Variants in PLCD4 observed in about 807,000 individuals in gnomAD.
PLCD4 encodes the protein 1-phosphatidylinositol 4,5-bisphosphate phosphodiesterase delta-4.
Under a neutral mutation model 90.2 loss-of-function variants are expected in PLCD4, and 63 were observed. That is an observed-to-expected ratio of 0.70 (90% CI 0.57 to 0.86). The LOEUF is 0.86. Among genes scored for constraint, PLCD4 ranks in the 40% least tolerant of loss-of-function variants. The probability of loss-of-function intolerance (pLI) is 0.00; values close to 1 mark genes in which losing one functional copy is unlikely to be tolerated. For missense variants in PLCD4, 830 were observed against 956.3 expected (o/e 0.87, Z 1.74); for synonymous variants, 294 against 356.5 (o/e 0.82, Z 1.97).
At chr2:218,633,449 T>C in intron 10 of PLCD4, 156 bp from the exon 11 acceptor site, 1 of 894,574 alleles carries the variant, frequency 1.1e-6, no homozygotes, top group Non-Finnish European at 1.8e-6. Flanking sequence ...GGCTCCTATT[T>C]CCAAGCCTGA....
chr2:218,612,741 C>T (rs1408174098), intron 1 of PLCD4, among the ~76,000 whole-genome samples: 8 of 152,106 alleles, frequency 5.3e-5, no homozygotes, highest in African/African-American at 1.9e-4. Context: ...CATTGCACTC[C>T]AGCCTGGCGA....
intron 4 of PLCD4, among the ~76,000 whole-genome samples, 186 bp from the exon 5 acceptor site, chr2:218,621,284 G>A (rs1270081450): frequency 6.6e-6 from 1 of 152,202 alleles, no homozygotes; most frequent in Non-Finnish European, 1.5e-5. Flanking sequence ...AGGTGCCTGG[G>A]CCATACAGTG....
At position 218,636,253 on chromosome 2, in the gene PLCD4, A is replaced by G; in HGVS notation, c.2043A>G (p.Pro681=). 1 of 1,614,054 alleles carries G rather than the reference A, an allele frequency of 6.2e-7. No individual in the cohort carries two copies. The highest frequency in any genetic ancestry group is 2.2e-5 in the East Asian group (1 of 44,888). Residue 681 remains proline (P), a synonymous_variant, in exon 15 of 16, where the codon CCA becomes CCG. Transcript: ENST00000450993. The part of the protein sequence containing the change: ...TNYVENNGFN[P]YWGQTLCFRV... ...TGTCCACCAACTCAGGTTTTAATCC[A>G]TACTGGGGGCAGACACTATGTTTCC... is the stretch of plus-strand genomic sequence containing the variant.
Position 218,634,688 on chromosome 2 carries a change from A to T in PLCD4, c.1896+58A>T. 1.3e-5 allele frequency: 20 copies of T among 1,580,768 alleles called. No homozygotes were observed. The highest frequency in any genetic ancestry group is 1.7e-5 in the Non-Finnish European group (20 of 1,157,050). On this transcript the variant is annotated intron_variant, in intron 13 of 15. Transcript: ENST00000450993. This position sits in a 1 kb window ranked among gnomAD's most constrained non-coding sequence, Gnocchi z 4.0. ...GAGATAACTGGGATAGAAGTGAGGG[A>T]AGAGGTGGCTAGGCCTGACCGGAAT...
At position 218,615,831 on chromosome 2, in the gene PLCD4, C is replaced by A; in HGVS notation, c.22+70C>A. 1.9e-6 allele frequency: 3 copies of A among 1,603,336 alleles called. No individual in the cohort carries two copies. In the South Asian group the frequency reaches 3.3e-5, roughly 18 times the overall value. On this transcript the variant is annotated intron_variant, in intron 2 of 15. Coordinates refer to ENST00000450993, the MANE Select transcript of PLCD4 (RefSeq NM_032726.4). ...CTCAGGGAAGGGAAGGAGGTTGGACCCCTGTTCCAGAGCTCTCCCTGGGCC... is the reference window on the plus strand; with the variant it reads ...CTCAGGGAAGGGAAGGAGGTTGGACACCTGTTCCAGAGCTCTCCCTGGGCC...
chr2:218,613,555 T>TC (rs1350908467), intron 1 of PLCD4, among the ~76,000 whole-genome samples: 4 of 152,170 alleles, frequency 2.6e-5, no homozygotes, highest in African/African-American at 4.8e-5. Flanking sequence ...CACGACCTGG[T>TC]CAAGAATGTT....
intron 1 of PLCD4, chr2:218,609,376 T>C (rs915936690): frequency 6.6e-6 from 1 of 152,100 alleles, no homozygotes; most frequent in Admixed American, 6.6e-5. Flanking sequence ...TGACATGAAG[T>C]CTCTTAGAAA....
At chr2:218,624,954 C>T (rs540031176) in intron 6 of PLCD4, among the ~76,000 whole-genome samples, 168 of 150,650 alleles carry the variant, frequency 1.1e-3, no homozygotes, top group Non-Finnish European at 1.7e-3. Context: ...CCACTAAAAA[C>T]ACAAAAAATT....
intron 1 of PLCD4, among the ~76,000 whole-genome samples, chr2:218,611,326 A>T (rs1275041426): frequency 6.6e-6 from 1 of 152,202 alleles, no homozygotes; most frequent in Non-Finnish European, 1.5e-5. Context: ...GGCAGGTTTG[A>T]GAGGAGGGAG....
chr2:218,630,729 CTG>C lies in PLCD4; in HGVS notation c.1200_1201del (p.Glu401AspfsTer23). 1 of 1,614,064 alleles carries C rather than the reference CTG, an allele frequency of 6.2e-7. No individual in the cohort carries two copies. The highest frequency in any genetic ancestry group is 8.5e-7 in the Non-Finnish European group (1 of 1,179,902). Reference sequence around the variant, plus strand: ...CAGCAGACCATGGCCCGTCATCTGACTGAGATCCTGGGGGAGCAGCTGCTGAG... The same window carrying C: ...CAGCAGACCATGGCCCGTCATCTGACAGATCCTGGGGGAGCAGCTGCTGAG... On this transcript the variant is annotated frameshift_variant, in exon 9 of 16. Coordinates refer to ENST00000450993, the MANE Select transcript of PLCD4 (RefSeq NM_032726.4). LOFTEE classifies it high-confidence loss of function.
Position 218,633,713 on chromosome 2 carries a change from A to G in PLCD4, c.1558A>G (p.Ile520Val), listed in dbSNP as rs764401261. 41 of 1,613,818 alleles carry G rather than the reference A, an allele frequency of 2.5e-5. No individual in the cohort carries two copies. Among genetic ancestry groups the G allele is most frequent in the Admixed American group, 1.0e-4 (6 of 59,976 alleles). ...AAAGGAGCACTACCACTTCTACGAG[A>G]TATCATCTTTCTCTGAAACCAAGGC... is the stretch of plus-strand genomic sequence containing the variant. Reference protein sequence around the residue: ...HSKEHYHFYEISSFSETKAKR... With the variant: ...HSKEHYHFYEVSSFSETKAKR... The change falls in exon 11 of 16, where the codon ATA (isoleucine) becomes GTA (valine). Residue 520 changes from isoleucine (I) to valine (V), a missense_variant. By Grantham distance (29) the Ile-to-Val change is conservative. Transcript: ENST00000450993.
At position 218,618,798 on chromosome 2, in the gene PLCD4, G is replaced by A. The variant is rs200972923; in HGVS notation, c.401G>A (p.Arg134His). 50 of 1,587,748 alleles carry A rather than the reference G, an allele frequency of 3.1e-5. No homozygotes were observed. In the East Asian group the frequency reaches 4.8e-4, roughly 15 times the overall value. The stretch of plus-strand genomic sequence containing the variant: ...GTCACCAGCATGGACCATCAGGAGC[G>A]CCTGGACCAGTATCGGCAGGATGGA... ...DLVTSMDHQE[R>H]LDQWLSDWFQ... The change falls in exon 4 of 16, where the codon CGC (arginine) becomes CAC (histidine). Residue 134 changes from arginine (R) to histidine (H), a missense_variant. Transcript: ENST00000450993.
chr2:218,614,921 A>G (rs1229898252), intron 1 of PLCD4, among the ~76,000 whole-genome samples: 1 of 152,066 alleles, frequency 6.6e-6, no homozygotes, highest in African/African-American at 2.4e-5. Flanking sequence ...ACAACTAAGT[A>G]TTGTTAAAGA....
At chr2:218,621,075 G>T (rs1695854395) in intron 4 of PLCD4, among the ~76,000 whole-genome samples, 1 of 152,104 alleles carries the variant, frequency 6.6e-6, no homozygotes, top group South Asian at 2.1e-4. Context: ...AACGACAGGT[G>T]TGTGCTACCA....
At position 218,635,873 on chromosome 2, in the gene PLCD4, G is replaced by T. The variant is rs1397189701; in HGVS notation, c.1974G>T (p.Gln658His). Reference protein sequence around the residue: ...GSIVDPLVKVQIFGVRLDTAR... With the variant: ...GSIVDPLVKVHIFGVRLDTAR... ...TTGTGGATCCACTGGTGAAAGTGCA[G>T]ATCTTTGGCGTTCGTCTAGACACAG... Residue 658 changes from glutamine to histidine, a missense_variant, in exon 14 of 16, where the codon CAG (glutamine) becomes CAT (histidine). Physicochemically the swap from Gln to His is conservative, Grantham distance 24 (BLOSUM62 0). Coordinates refer to ENST00000450993, the MANE Select transcript of PLCD4 (RefSeq NM_032726.4). The T allele has an allele frequency of 1.9e-6, 3 of 1,613,890 alleles. No homozygotes were observed. The highest frequency in any genetic ancestry group is 1.7e-5 in the Admixed American group (1 of 60,004).
Position 218,615,943 on chromosome 2 carries a change from G to A in PLCD4, c.62G>A (p.Gly21Asp). Reference protein sequence around the residue: ...TDQDLLLMQEGMPMRKVRSKS... With the variant: ...TDQDLLLMQEDMPMRKVRSKS... Reference sequence around the variant, plus strand: ...CAGGACTTGCTGCTGATGCAGGAAGGCATGCCGATGCGCAAGGTGAGGTCC... The same window carrying A: ...CAGGACTTGCTGCTGATGCAGGAAGACATGCCGATGCGCAAGGTGAGGTCC... Residue 21 changes from glycine to aspartate, a missense_variant, in exon 3 of 16, where the codon GGC (glycine) becomes GAC (aspartate). Gly to Asp is a moderately conservative substitution (Grantham distance 94). Transcript: ENST00000450993. The A allele has an allele frequency of 1.9e-6, 3 of 1,614,046 alleles. No individual in the cohort carries two copies. The highest frequency in any genetic ancestry group is 2.5e-6 in the Non-Finnish European group (3 of 1,179,906).
Position 218,636,367 on chromosome 2 carries a change from C to G in PLCD4, c.2157C>G (p.Thr719=). ...GAAATGACTTTATTGGTCAGTACACCCTGCCTTGGACCTGCATGCAACAAG... is the reference window on the plus strand; with the variant it reads ...GAAATGACTTTATTGGTCAGTACACGCTGCCTTGGACCTGCATGCAACAAG... ...KSRNDFIGQY[T]LPWTCMQQGY... Residue 719 remains threonine, a synonymous_variant, in exon 15 of 16, where the codon ACC becomes ACG. Coordinates refer to ENST00000450993, the MANE Select transcript of PLCD4 (RefSeq NM_032726.4). 1 of 1,613,968 alleles carries G rather than the reference C, an allele frequency of 6.2e-7. No homozygotes were observed. Among genetic ancestry groups the G allele is most frequent in the East Asian group, 2.2e-5 (1 of 44,874 alleles).
At chr2:218,633,881 GA>G in intron 11 of PLCD4, 120 bp downstream of exon 11, 1 of 1,291,868 alleles carries the variant, frequency 7.7e-7, no homozygotes, top group Non-Finnish European at 1.1e-6. Context: ...AAGGAGTTCA[GA>G]AACTCCTTAG....
At chr2:218,625,108 C>A in intron 6 of PLCD4, among the ~76,000 whole-genome samples, 1 of 91,628 alleles carries the variant, frequency 1.1e-5, no homozygotes, top group African/African-American at 4.7e-5. Context: ...GACCAAGACT[C>A]TGTTTCAAAA....
Sources: allele counts gnomAD v4.1 joint callset (sites outside exome capture counted in the v4.1 genomes callset), GRCh38; gene constraint gnomAD v4.1.1; non-coding constraint Gnocchi (gnomAD v3.1); transcripts MANE v1.5; gene names NCBI Gene and HGNC (gene_info 2026-07-23, HGNC 2026-07-21).